Variants in COBLL1 observed in about 807,000 individuals in gnomAD.
COBLL1 encodes cordon-bleu WH2 repeat protein like 1, also known as cordon-bleu protein-like 1.
Under a neutral mutation model 94.8 loss-of-function variants are expected in COBLL1, and 50 were observed. The ratio of observed to expected loss-of-function variants is 0.53; its 90% CI spans 0.42 to 0.67. The LOEUF (loss-of-function observed/expected upper bound fraction) is 0.67, where lower values mean the gene tolerates loss of function less well. Among genes scored for constraint, COBLL1 ranks in the 30% least tolerant of loss-of-function variants. The pLI, the probability that COBLL1 is intolerant of heterozygous loss-of-function variation, is 0.00. For synonymous variants in COBLL1, 448 were observed against 473.8 expected (o/e 0.95, Z 0.71); for missense variants, 1,362 against 1,348.7 (o/e 1.01, Z -0.15).
At chr2:164,686,997 T>C (rs558668493) in intron 13 of COBLL1, among the ~76,000 whole-genome samples, 3 of 152,188 alleles carry the variant, frequency 2.0e-5, no homozygotes, top group Non-Finnish European at 4.4e-5. Context: ...GCTTTTTGCC[T>C]TTTACTAAAT....
chr2:164,728,894 T>C (rs978191648), intron 4 of COBLL1, among the ~76,000 whole-genome samples: 2 of 152,046 alleles, frequency 1.3e-5, no homozygotes, highest in African/African-American at 4.8e-5. Context: ...GTAATTGAAT[T>C]AAATCCTGTA....
rs56011410 is a variant in COBLL1 at position 164,702,558 on chromosome 2, C to CAAAAAAA, written c.1226-1809_1226-1803dup. Among the ~76,000 whole-genome samples, 255 of 82,070 alleles carry CAAAAAAA rather than the reference C, an allele frequency of 3.1e-3. 1 individual carries two copies. The highest frequency in any genetic ancestry group is 0.01 in the African/African-American group (233 of 22,620). The allele number at this position is 82,070 out of a possible 152,430, so 53.8% of individuals were successfully genotyped here. ...CAGCCTGGGCAACAGTGAGACTCCTCAAAAAAAAAAAAAAAAAAATAATAA... is the reference window on the plus strand; with the variant it reads ...CAGCCTGGGCAACAGTGAGACTCCTCAAAAAAAAAAAAAAAAAAAAAAAAAATAATAA... On this transcript the variant is annotated intron_variant, in intron 9 of 13. Transcript: ENST00000652658.
intron 11 of COBLL1, among the ~76,000 whole-genome samples, chr2:164,699,146 A>T (rs1343341985): frequency 1.3e-5 from 2 of 151,994 alleles, no homozygotes; most frequent in African/African-American, 4.8e-5. Context: ...ACTCTAGAGC[A>T]ATATTGCCCC....
At chr2:164,711,965 T>G (rs992362715) in intron 7 of COBLL1, among the ~76,000 whole-genome samples, 1 of 152,162 alleles carries the variant, frequency 6.6e-6, no homozygotes, top group Non-Finnish European at 1.5e-5. Context: ...TTTTATGGTC[T>G]GTAAAAAGGA....
At chr2:164,760,617 T>G (rs938594405) in intron 2 of COBLL1, among the ~76,000 whole-genome samples, 3 of 152,192 alleles carry the variant, frequency 2.0e-5, no homozygotes, top group African/African-American at 7.2e-5. Flanking sequence ...TCGATGTCAC[T>G]TCCTTGGTTT....
At position 164,694,282 on chromosome 2, in the gene COBLL1, C is replaced by A. The variant is rs764865323; in HGVS notation, c.3110G>T (p.Gly1037Val). ...VNKFVDIPQLGVSDKENNSAH... is the reference protein window; with the variant it reads ...VNKFVDIPQLVVSDKENNSAH... ...GGCTACAGTTACCTTATCAGACACACCAAGCTGTGGGATGTCCACAAATTT... is the reference window on the plus strand; with the variant it reads ...GGCTACAGTTACCTTATCAGACACAACAAGCTGTGGGATGTCCACAAATTT... Residue 1037 changes from glycine to valine, a missense_variant, in exon 12 of 14, where the codon GGT (glycine) becomes GTT (valine). Physicochemically the swap from Gly to Val is moderately radical, Grantham distance 109. Coordinates refer to ENST00000652658, the MANE Select transcript of COBLL1 (RefSeq NM_001365672.2). 6.2e-7 allele frequency: 1 copy of A among 1,613,258 alleles called. No homozygotes were observed. Among genetic ancestry groups the A allele is most frequent in the Non-Finnish European group, 8.5e-7 (1 of 1,179,514 alleles).
chr2:164,798,649 A>T (rs551177825), intron 2 of COBLL1, among the ~76,000 whole-genome samples: 5 of 152,320 alleles, frequency 3.3e-5, no homozygotes, highest in South Asian at 4.1e-4. Flanking sequence ...CTAACAAAAC[A>T]TATTTACAAT....
intron 2 of COBLL1, among the ~76,000 whole-genome samples, chr2:164,833,749 C>T (rs1209836944): frequency 1.3e-5 from 2 of 152,114 alleles, no homozygotes; most frequent in Admixed American, 6.6e-5. Flanking sequence ...CGCGCCAGGC[C>T]GACAATTCCA....
intron 2 of COBLL1, among the ~76,000 whole-genome samples, chr2:164,785,274 A>G (rs1218277184): frequency 6.6e-6 from 1 of 152,176 alleles, no homozygotes; most frequent in Non-Finnish European, 1.5e-5. Context: ...TTGTAGTTCC[A>G]GCTACTGGGG....
intron 2 of COBLL1, among the ~76,000 whole-genome samples, chr2:164,796,091 G>A (rs1424755250): frequency 6.6e-6 from 1 of 152,032 alleles, no homozygotes. Context: ...CATATACAAG[G>A]ATTTAAGAAC....
chr2:164,774,114 C>T (rs771115896), intron 2 of COBLL1, among the ~76,000 whole-genome samples: 10 of 152,066 alleles, frequency 6.6e-5, no homozygotes, highest in Non-Finnish European at 1.3e-4. Context: ...CTAAGAAGCA[C>T]ATCTGTATAA....
At chr2:164,723,289 T>C (rs886867343) in intron 5 of COBLL1, 3 of 152,196 alleles carry the variant, frequency 2.0e-5, no homozygotes, top group Admixed American at 1.3e-4. Flanking sequence ...CAAGGTTGTA[T>C]ACATAATATT....
chr2:164,785,533 G>A (rs567004173), intron 2 of COBLL1, among the ~76,000 whole-genome samples: 163 of 152,254 alleles, frequency 1.1e-3, no homozygotes, highest in Middle Eastern at 3.4e-3. Context: ...TTAAAGCAAG[G>A]AAAACAATAG....
intron 12 of COBLL1, 124 bp from the exon 13 acceptor site, chr2:164,692,521 A>C: frequency 1.4e-6 from 1 of 709,028 alleles, no homozygotes. Flanking sequence ...TGTTTCAGAC[A>C]CAGCTCTGTT....
chr2:164,729,925 T>G lies in COBLL1; in HGVS notation c.421A>C (p.Ile141Leu). Residue 141 changes from isoleucine (I) to leucine (L), a missense_variant, in exon 4 of 14, where the codon ATA becomes CTA. Physicochemically the swap from Ile to Leu is conservative, Grantham distance 5 (BLOSUM62 2). Transcript: ENST00000652658. ...KMLDKKKPTP[I>L]IPEKTVRVVI... ...AATGGAATTCTTACCTCTGGTATTA[T>G]AGGTGTAGGTTTTTTCTTATCCAAC... is the stretch of plus-strand genomic sequence containing the variant. 6.2e-7 allele frequency: 1 copy of G among 1,611,858 alleles called. No individual in the cohort carries two copies.
intron 5 of COBLL1, among the ~76,000 whole-genome samples, chr2:164,727,483 A>G (rs1236496064): frequency 6.6e-6 from 1 of 152,080 alleles, no homozygotes; most frequent in East Asian, 1.9e-4. Flanking sequence ...TTAGACTGAT[A>G]CATTTCATAA....
chr2:164,712,584 G>T (rs977423369), intron 7 of COBLL1, among the ~76,000 whole-genome samples: 1 of 151,936 alleles, frequency 6.6e-6, no homozygotes, highest in Non-Finnish European at 1.5e-5. Flanking sequence ...ATATCTGAGG[G>T]TCAAGTTTTA....
chr2:164,741,903 G>T (rs556214511), intron 3 of COBLL1, among the ~76,000 whole-genome samples: 2 of 152,128 alleles, frequency 1.3e-5, no homozygotes, highest in African/African-American at 4.8e-5. Context: ...GGAGGATGAA[G>T]AACTAATTCA....
chr2:164,673,435 G>A (rs1391888718), intron 1 of COBLL1, among the ~76,000 whole-genome samples: 1 of 152,176 alleles, frequency 6.6e-6, no homozygotes, highest in Non-Finnish European at 1.5e-5. Flanking sequence ...AGCACTTTGG[G>A]AGGCTGAGGC....
Sources: allele counts gnomAD v4.1 joint callset (sites outside exome capture counted in the v4.1 genomes callset), GRCh38; gene constraint gnomAD v4.1.1; transcripts MANE v1.5; gene names NCBI Gene and HGNC (gene_info 2026-07-23, HGNC 2026-07-21).